The following CMPK1 variants were observed in gnomAD, a reference collection of about 807,000 sequenced individuals.
CMPK1 encodes the protein UMP-CMP kinase.
CMPK1 carries 10 observed loss-of-function variants against 25.7 expected under a neutral mutation model. That is an observed-to-expected ratio of 0.39 (90% CI 0.24 to 0.66). CMPK1 has a LOEUF of 0.66. CMPK1 is among the 30% of genes least tolerant of loss of function. The pLI, the probability that CMPK1 is intolerant of heterozygous loss-of-function variation, is 0.48. For synonymous variants in CMPK1, 106 were observed against 101.5 expected (o/e 1.04, Z -0.27); for missense variants, 199 against 280.5 (o/e 0.71, Z 2.08).
At chr1:47,337,616 T>G (rs1207210794) in intron 1 of CMPK1, among the ~76,000 whole-genome samples, 1 of 50,016 alleles carries the variant, frequency 2.0e-5, no homozygotes, top group African/African-American at 4.1e-5. Context: ...GGAATATCTA[T>G]TTTTTTTTTT....
chr1:47,367,909 A>G (rs1646650565), intron 1 of CMPK1, among the ~76,000 whole-genome samples: 1 of 152,138 alleles, frequency 6.6e-6, no homozygotes, highest in African/African-American at 2.4e-5. Context: ...CTAGGACTAC[A>G]GGCATGAATC....
intron 1 of CMPK1, among the ~76,000 whole-genome samples, chr1:47,348,104 C>T (rs1163398699): frequency 3.3e-5 from 5 of 152,220 alleles, no homozygotes; most frequent in East Asian, 1.9e-4. Flanking sequence ...CCAAAAGTCA[C>T]GTAGGAGTAC....
At position 47,334,089 on chromosome 1, in the gene CMPK1, G is replaced by T; in HGVS notation, c.144G>T (p.Lys48Asn). 6.5e-7 allele frequency: 1 copy of T among 1,528,912 alleles called. No homozygotes were observed. The highest frequency in any genetic ancestry group is 8.8e-7 in the Non-Finnish European group (1 of 1,136,478). 94.7% of individuals were successfully genotyped at this position (1,528,912 alleles called of 1,614,324 possible). A position where few individuals can be genotyped will look rare whatever the true frequency, so the allele number is the denominator to read the frequency against. The change falls in exon 1 of 6, where the codon AAG (lysine) becomes AAT (asparagine). Residue 48 changes from lysine to asparagine, a missense_variant. By Grantham distance (94) the Lys-to-Asn change is moderately conservative. Coordinates refer to ENST00000371873, the MANE Select transcript of CMPK1 (RefSeq NM_016308.3). ...TCCTCGGCGGCCCCGGCGCCGGCAAGGGGACCCAGTGCGCCCGCATCGTCG... is the reference window on the plus strand; with the variant it reads ...TCCTCGGCGGCCCCGGCGCCGGCAATGGGACCCAGTGCGCCCGCATCGTCG... The part of the protein sequence containing the change: ...VFVLGGPGAG[K>N]GTQCARIVEK...
At chr1:47,357,555 G>T (rs1479787001) in intron 1 of CMPK1, among the ~76,000 whole-genome samples, 2 of 149,622 alleles carry the variant, frequency 1.3e-5, no homozygotes, top group African/African-American at 4.9e-5. Flanking sequence ...TGTGATCTCA[G>T]CTCACTGCAA....
At chr1:47,348,563 A>G (rs545689505) in intron 1 of CMPK1, among the ~76,000 whole-genome samples, 35 of 152,280 alleles carry the variant, frequency 2.3e-4, no homozygotes, top group African/African-American at 7.9e-4. Flanking sequence ...AGAGGCCTTC[A>G]CTTTGAGGGA....
chr1:47,370,437 G>A (rs12757893), intron 2 of CMPK1, among the ~76,000 whole-genome samples: 37,933 of 150,470 alleles, frequency 0.25, 5,099 homozygotes, highest in Non-Finnish European at 0.31. Context: ...TCAGGAGTTC[G>A]AGACCAGTCT....
intron 2 of CMPK1, among the ~76,000 whole-genome samples, chr1:47,370,782 CA>C (rs60407679): frequency 0.23 from 26,934 of 116,298 alleles, 3,201 homozygotes; most frequent in East Asian, 0.57. Context: ...ACTAAAAATA[CA>C]AAAAAAAAAA....
intron 1 of CMPK1, among the ~76,000 whole-genome samples, chr1:47,347,632 TTTG>T (rs1646494552): frequency 1.3e-5 from 2 of 151,998 alleles, no homozygotes; most frequent in African/African-American, 4.8e-5. Context: ...GTTTTTGGTT[TTTG>T]TTGTTGTTGA....
chr1:47,376,806 T>C lies in CMPK1; in HGVS notation c.*61T>C. The C allele has an allele frequency of 7.5e-6, 7 of 931,476 alleles. No homozygotes were observed. Among genetic ancestry groups the C allele is most frequent in the East Asian group, 2.5e-5 (1 of 39,388 alleles). 57.7% of individuals were successfully genotyped at this position (931,476 alleles called of 1,614,324 possible). A position where few individuals can be genotyped will look rare whatever the true frequency, so the allele number is the denominator to read the frequency against. On this transcript the variant is annotated 3_prime_UTR_variant, in exon 6 of 6. Transcript: ENST00000371873. ...AATATTGCTTTGATAGCTGCTATCA[T>C]GACCCCTTTTTAAGGCAATTCTAAT... is the stretch of plus-strand genomic sequence containing the variant.
chr1:47,376,797 C>A lies in CMPK1; in HGVS notation c.*52C>A. Reference sequence around the variant, plus strand: ...TCATGCTTGAATATTGCTTTGATAGCTGCTATCATGACCCCTTTTTAAGGC... The same window carrying A: ...TCATGCTTGAATATTGCTTTGATAGATGCTATCATGACCCCTTTTTAAGGC... On this transcript the variant is annotated 3_prime_UTR_variant, in exon 6 of 6. Coordinates refer to ENST00000371873, the MANE Select transcript of CMPK1 (RefSeq NM_016308.3). The A allele has an allele frequency of 1.9e-6, 2 of 1,051,648 alleles. No homozygotes were observed. Among genetic ancestry groups the A allele is most frequent in the Non-Finnish European group, 2.9e-6 (2 of 684,600 alleles). The allele number at this position is 1,051,648 out of a possible 1,614,324, so 65.1% of individuals were successfully genotyped here. A position where few individuals can be genotyped will look rare whatever the true frequency, so the allele number is the denominator to read the frequency against.
At chr1:47,338,618 TC>T (rs1422006331) in intron 1 of CMPK1, among the ~76,000 whole-genome samples, 3 of 120,634 alleles carry the variant, frequency 2.5e-5, no homozygotes, top group Admixed American at 1.8e-4. Context: ...TTTCTTCTTT[TC>T]TTTTTTTTTT....
At chr1:47,373,802 G>GA (rs566663698) in intron 3 of CMPK1, among the ~76,000 whole-genome samples, 2,516 of 132,130 alleles carry the variant, frequency 0.019, 75 homozygotes, top group African/African-American at 0.064. Context: ...TCAAAAAAAA[G>GA]AAAAAAAAAA....
chr1:47,342,972 A>G (rs1403437833), intron 1 of CMPK1, among the ~76,000 whole-genome samples: 1 of 120,150 alleles, frequency 8.3e-6, no homozygotes, highest in Non-Finnish European at 1.7e-5. Flanking sequence ...GTGAAATGGC[A>G]TAATTAACCA....
In CMPK1 at chr1:47,376,900, C is replaced by CT. The variant is rs979061458; in HGVS notation, c.*163dup. On this transcript the variant is annotated 3_prime_UTR_variant, in exon 6 of 6. Coordinates refer to ENST00000371873, the MANE Select transcript of CMPK1 (RefSeq NM_016308.3). ...AAAACAAAGTAAATTTTTTTATGTTCTTTTTTTTGGTCACAGGAGTAGACA... is the reference window on the plus strand; with the variant it reads ...AAAACAAAGTAAATTTTTTTATGTTCTTTTTTTTTGGTCACAGGAGTAGACA... 1.3e-4 allele frequency: 61 copies of CT among 472,384 alleles called. No individual in the cohort carries two copies. Among genetic ancestry groups the CT allele is most frequent in the East Asian group, 1.7e-4 (5 of 29,134 alleles). 29.3% of individuals were successfully genotyped at this position (472,384 alleles called of 1,614,324 possible).
intron 1 of CMPK1, among the ~76,000 whole-genome samples, chr1:47,357,167 G>T (rs2149330229): frequency 6.6e-6 from 1 of 151,904 alleles, no homozygotes; most frequent in African/African-American, 2.4e-5. Context: ...GTTTCACCGT[G>T]TTAGCCAGGA....
intron 1 of CMPK1, 56 bp downstream of exon 1, chr1:47,334,172 T>G: frequency 1.5e-6 from 2 of 1,326,414 alleles, no homozygotes; most frequent in Non-Finnish European, 1.9e-6. Context: ...CGGGCCGGCC[T>G]GTCCCGCCGC....
At chr1:47,340,496 T>C (rs1160193703) in intron 1 of CMPK1, among the ~76,000 whole-genome samples, 2 of 152,178 alleles carry the variant, frequency 1.3e-5, no homozygotes, top group Admixed American at 6.5e-5. Context: ...ATCAATGATA[T>C]GGTTGTGAAA....
At chr1:47,337,331 C>T (rs1428151756) in intron 1 of CMPK1, among the ~76,000 whole-genome samples, 3 of 152,056 alleles carry the variant, frequency 2.0e-5, no homozygotes, top group Non-Finnish European at 4.4e-5. Flanking sequence ...AAATAATCTA[C>T]ACATTCTGCA....
At chr1:47,349,965 C>T (rs965758472) in intron 1 of CMPK1, among the ~76,000 whole-genome samples, 2 of 152,206 alleles carry the variant, frequency 1.3e-5, no homozygotes, top group South Asian at 4.2e-4. Context: ...CCACCACGCC[C>T]AGCTAATTTT....
Sources: gnomAD v4.1 joint callset for allele counts (sites outside exome capture counted in the v4.1 genomes callset) on GRCh38, gnomAD v4.1.1 for gene constraint, MANE v1.5 for transcripts, NCBI Gene and HGNC (gene_info 2026-07-23, HGNC 2026-07-21) for gene names.